The following SLC4A5 variants were observed in gnomAD, a reference collection of about 807,000 sequenced individuals.
SLC4A5 encodes the protein electrogenic sodium bicarbonate cotransporter 4.
A neutral mutation model predicts 120.4 loss-of-function variants in SLC4A5; 96 were observed. The observed-to-expected ratio is 0.80, with a 90% confidence interval of 0.68 to 0.94. The LOEUF (loss-of-function observed/expected upper bound fraction) is 0.94, where lower values mean the gene tolerates loss of function less well. Among genes scored for constraint, SLC4A5 ranks in the 40% least tolerant of loss-of-function variants. The probability of loss-of-function intolerance (pLI) is 0.00; values close to 1 mark genes in which losing one functional copy is unlikely to be tolerated. For synonymous variants in SLC4A5, 550 were observed against 571.1 expected, an observed-to-expected ratio of 0.96 and a Z score of 0.53; for missense variants, 1,259 against 1,459.5, an observed-to-expected ratio of 0.86 and a Z score of 2.24.
chr2:74,227,755 C>G (rs542342298), intron 26 of SLC4A5, 55 bp downstream of exon 26: 5 of 1,480,010 alleles, frequency 3.4e-6, no homozygotes, highest in Non-Finnish European at 4.6e-6. Context: ...TGACATGGAA[C>G]CAGACATGGA....
At chr2:74,291,029 G>A (rs1260414959) in intron 7 of SLC4A5, among the ~76,000 whole-genome samples, 2 of 152,190 alleles carry the variant, frequency 1.3e-5, no homozygotes, top group African/African-American at 4.8e-5. Flanking sequence ...AGGTGGAGTG[G>A]GGTTGCTGGA....
chr2:74,275,943 T>C (rs1169534414), intron 8 of SLC4A5, among the ~76,000 whole-genome samples: 1 of 152,222 alleles, frequency 6.6e-6, no homozygotes. Flanking sequence ...CTCACCACTT[T>C]GCACATACCA....
intron 22 of SLC4A5, among the ~76,000 whole-genome samples, chr2:74,234,355 A>G (rs796290028): frequency 2.0e-5 from 3 of 152,098 alleles, no homozygotes; most frequent in African/African-American, 7.2e-5. Flanking sequence ...ATTTTTTAGT[A>G]TCTGTAGTAG....
chr2:74,334,581 T>G (rs1673438203), intron 3 of SLC4A5, among the ~76,000 whole-genome samples: 1 of 152,232 alleles, frequency 6.6e-6, no homozygotes, highest in African/African-American at 2.4e-5. Context: ...CAGTATGTGT[T>G]TATTCATTTG....
intron 27 of SLC4A5, among the ~76,000 whole-genome samples, chr2:74,226,342 G>A (rs948247731): frequency 6.6e-6 from 1 of 152,118 alleles, no homozygotes; most frequent in African/African-American, 2.4e-5. Context: ...CACTGCCCTC[G>A]GTGAGTTATC....
intron 8 of SLC4A5, among the ~76,000 whole-genome samples, chr2:74,274,370 T>C (rs537689693): frequency 6.6e-6 from 1 of 152,338 alleles, no homozygotes; most frequent in South Asian, 2.1e-4. Flanking sequence ...TAATTCATGC[T>C]ACATAAAATC....
At chr2:74,326,586 C>T (rs1026552177) in intron 5 of SLC4A5, among the ~76,000 whole-genome samples, 56 of 152,218 alleles carry the variant, frequency 3.7e-4, no homozygotes, top group African/African-American at 1.3e-3. Context: ...TTTGGGAGGA[C>T]GAGGCGGGCA....
intron 23 of SLC4A5, 38 bp from the exon 24 acceptor site, chr2:74,232,685 G>A (rs1288392413): frequency 6.2e-7 from 1 of 1,603,214 alleles, no homozygotes; most frequent in Non-Finnish European, 8.5e-7. Flanking sequence ...AAGTTTCTGG[G>A]GAGCCAGTTC....
At chr2:74,331,265 T>C (rs1387151444) in intron 4 of SLC4A5, among the ~76,000 whole-genome samples, 1 of 151,008 alleles carries the variant, frequency 6.6e-6, no homozygotes, top group Non-Finnish European at 1.5e-5. Flanking sequence ...GAGGTCTAGA[T>C]GGAGGTGGTA....
rs777896484 is a variant in SLC4A5 at position 74,221,458 on chromosome 2, A to G, written c.*9T>C. 4 of 1,613,904 alleles carry G rather than the reference A, an allele frequency of 2.5e-6. No individual in the cohort carries two copies. The South Asian group carries it at 4.4e-5, about 18-fold the overall frequency. The stretch of plus-strand genomic sequence containing the variant: ...CCTTCGGTCAAGTTCTGTGTCACTG[A>G]AGGAAGAATCAGAGTGAGTAACTCC... On this transcript the variant is annotated 3_prime_UTR_variant, in exon 30 of 31. Coordinates refer to ENST00000394019, the Ensembl canonical transcript of SLC4A5.
intron 23 of SLC4A5, 68 bp downstream of exon 23, chr2:74,233,334 C>A (rs2103917464): frequency 1.3e-6 from 2 of 1,568,770 alleles, no homozygotes; most frequent in East Asian, 2.2e-5. Flanking sequence ...GCATCATGTC[C>A]TTCCTTCGCT....
chr2:74,269,669 G>T (rs1671413875), intron 8 of SLC4A5, among the ~76,000 whole-genome samples: 1 of 151,792 alleles, frequency 6.6e-6, no homozygotes, highest in South Asian at 2.1e-4. Flanking sequence ...TGCTCCCAAA[G>T]ACTCTTTTGC....
rs180933939 is a variant in SLC4A5, at chr2:74,321,260, T to C, written c.-2-6235A>G. Among the ~76,000 whole-genome samples, 262 of 152,310 alleles carry C rather than the reference T, an allele frequency of 1.7e-3. 5 individuals are homozygous for C. The highest frequency in any genetic ancestry group is 0.014 in the Admixed American group (221 of 15,292). On this transcript the variant is annotated intron_variant, in intron 5 of 30. Transcript: ENST00000394019. ...TTCTGCTCCAGCCACAGTAGCACTA[T>C]GGCCAACTAAAAAGAAACACTTCCC...
At position 74,227,031 on chromosome 2, in the gene SLC4A5, G is replaced by C. The variant is rs146665416; in HGVS notation, c.3016C>G (p.Leu1006Val). 103 of 1,614,216 alleles carry C rather than the reference G, an allele frequency of 6.4e-5. No homozygotes were observed. In the African/African-American group the frequency reaches 1.1e-3, roughly 18 times the overall value. ...ACCGCCAGGCAGAGGATCTGCACCAGGGTGAAGAGGTGGATCCGGCGCAGC... is the reference window on the plus strand; with the variant it reads ...ACCGCCAGGCAGAGGATCTGCACCACGGTGAAGAGGTGGATCCGGCGCAGC... Residue 1006 changes from leucine to valine, a missense_variant, in exon 27 of 31, where the codon CTG becomes GTG. Physicochemically the swap from Leu to Val is conservative, Grantham distance 32 (BLOSUM62 1). Coordinates refer to ENST00000394019, the Ensembl canonical transcript of SLC4A5.
chr2:74,336,117 G>C (rs1673481086), intron 3 of SLC4A5, among the ~76,000 whole-genome samples: 1 of 152,160 alleles, frequency 6.6e-6, no homozygotes, highest in Non-Finnish European at 1.5e-5. Context: ...ACCTAGGCTA[G>C]AGTGCAGTGG....
intron 3 of SLC4A5, among the ~76,000 whole-genome samples, chr2:74,334,866 A>G (rs1391392184): frequency 6.6e-6 from 1 of 152,210 alleles, no homozygotes; most frequent in East Asian, 1.9e-4. Context: ...AGTATTAACT[A>G]ATAATATTAT....
At chr2:74,325,886 G>A (rs555664362) in intron 5 of SLC4A5, among the ~76,000 whole-genome samples, 19 of 140,838 alleles carry the variant, frequency 1.3e-4, no homozygotes, top group African/African-American at 4.9e-4. Flanking sequence ...AGGGGAAGGG[G>A]AAGGGGAAGG....
chr2:74,341,838 G>A (rs758823005), intron 2 of SLC4A5, among the ~76,000 whole-genome samples: 2 of 152,206 alleles, frequency 1.3e-5, no homozygotes, highest in African/African-American at 4.8e-5. Flanking sequence ...TCTTACTCTG[G>A]AGTAAGGAGA....
intron 14 of SLC4A5, among the ~76,000 whole-genome samples, chr2:74,253,379 G>A (rs1043428880): frequency 1.3e-5 from 2 of 152,110 alleles, no homozygotes; most frequent in East Asian, 3.8e-4. Flanking sequence ...GTAGGACTTC[G>A]GTTAAGTTAC....
Sources: gnomAD v4.1 joint callset for allele counts (sites outside exome capture counted in the v4.1 genomes callset) on GRCh38, gnomAD v4.1.1 for gene constraint, MANE v1.5 for transcripts, NCBI Gene and HGNC (gene_info 2026-07-23, HGNC 2026-07-21) for gene names.